The following MIPEP variants were observed in gnomAD, a reference collection of about 807,000 sequenced individuals.
MIPEP encodes mitochondrial intermediate peptidase.
A neutral mutation model predicts 90.3 loss-of-function variants in MIPEP; 79 were observed. The ratio of observed to expected loss-of-function variants is 0.87; its 90% CI spans 0.73 to 1.05. The LOEUF (loss-of-function observed/expected upper bound fraction) is 1.05. Among genes scored for constraint, MIPEP ranks in the 50% least tolerant of loss-of-function variants. The probability of loss-of-function intolerance (pLI) is 0.00; values close to 1 mark genes in which losing one functional copy is unlikely to be tolerated. For synonymous variants in MIPEP, 334 were observed against 315.8 expected (o/e 1.06, Z -0.61); for missense variants, 940 against 905.6 (o/e 1.04, Z -0.49).
chr13:23,754,137 C>T (rs930262270), intron 18 of MIPEP, among the ~76,000 whole-genome samples: 2 of 152,160 alleles, frequency 1.3e-5, no homozygotes, highest in Admixed American at 1.3e-4. Context: ...TATGCTTTTA[C>T]ATTACAAATC....
At chr13:23,888,750 G>A in intron 1 of MIPEP, 4 of 1,027,678 alleles carry the variant, frequency 3.9e-6, no homozygotes, top group Non-Finnish European at 4.7e-6. Context: ...CACAGGGATA[G>A]GCCTCTTAAG....
At chr13:23,731,445 T>C (rs1952203486) in intron 18 of MIPEP, among the ~76,000 whole-genome samples, 1 of 152,164 alleles carries the variant, frequency 6.6e-6, no homozygotes, top group African/African-American at 2.4e-5. Context: ...TGCATATCCA[T>C]ACGGCAGAAA....
chr13:23,847,427 G>A (rs1049546697), intron 10 of MIPEP, among the ~76,000 whole-genome samples: 3 of 139,346 alleles, frequency 2.2e-5, no homozygotes, highest in Non-Finnish European at 4.6e-5. Flanking sequence ...GGTAAGCGCC[G>A]TCAAAAACTG....
At chr13:23,771,200 C>A (rs1449793770) in intron 16 of MIPEP, among the ~76,000 whole-genome samples, 2 of 152,166 alleles carry the variant, frequency 1.3e-5, no homozygotes, top group Non-Finnish European at 2.9e-5. Flanking sequence ...CCTCCTAGGG[C>A]TATGGCATGG....
chr13:23,889,254 C>A lies in MIPEP; in HGVS notation c.67G>T (p.Gly23Cys). 1 of 1,391,818 alleles carries A rather than the reference C, an allele frequency of 7.2e-7. No individual in the cohort carries two copies. The allele number at this position is 1,391,818 out of a possible 1,614,324, so 86.2% of individuals were successfully genotyped here. ...ATCCCGGCTTCGAGGCTTCCCCGGCCCGCCCGGCGGGGCGGCAGAGCTGCT... is the reference window on the plus strand; with the variant it reads ...ATCCCGGCTTCGAGGCTTCCCCGGCACGCCCGGCGGGGCGGCAGAGCTGCT... ...RAAALPPRRAGRGSLEAGIRA... is the reference protein window; with the variant it reads ...RAAALPPRRACRGSLEAGIRA... Residue 23 changes from glycine to cysteine, a missense_variant, in exon 1 of 19, where the codon GGC becomes TGC. Physicochemically the swap from Gly to Cys is radical, Grantham distance 159. Coordinates refer to ENST00000382172, the MANE Select transcript of MIPEP (RefSeq NM_005932.4).
chr13:23,816,367 C>T (rs796404068), intron 14 of MIPEP, among the ~76,000 whole-genome samples: 9 of 152,152 alleles, frequency 5.9e-5, no homozygotes, highest in African/African-American at 2.2e-4. Context: ...ACTCCTTTCC[C>T]CACTCTGTAT....
At chr13:23,831,380 T>TGGCGGGG (rs1175155021) in intron 14 of MIPEP, among the ~76,000 whole-genome samples, 2 of 15,634 alleles carry the variant, frequency 1.3e-4, no homozygotes, top group Non-Finnish European at 1.3e-3. Flanking sequence ...AGCTTCCCCA[T>TGGCGGGG]GGCGGGGGGG....
intron 16 of MIPEP, among the ~76,000 whole-genome samples, chr13:23,788,592 A>AG (rs1231844524): frequency 1.3e-5 from 2 of 152,198 alleles, no homozygotes; most frequent in African/African-American, 4.8e-5. Context: ...AATAACTGCA[A>AG]GGGGCATGAA....
chr13:23,872,604 T>A (rs1276224482), intron 5 of MIPEP, among the ~76,000 whole-genome samples: 4 of 152,236 alleles, frequency 2.6e-5, no homozygotes, highest in Non-Finnish European at 5.9e-5. Context: ...CCTGTCCTAG[T>A]GGAGCACCTC....
chr13:23,878,724 T>C (rs1390292309), intron 4 of MIPEP, among the ~76,000 whole-genome samples: 2 of 152,218 alleles, frequency 1.3e-5, no homozygotes, highest in Non-Finnish European at 2.9e-5. Context: ...TTGATGCAGA[T>C]TTATAAATGT....
intron 18 of MIPEP, among the ~76,000 whole-genome samples, chr13:23,750,716 C>T (rs998798832): frequency 6.6e-6 from 1 of 152,164 alleles, no homozygotes; most frequent in Non-Finnish European, 1.5e-5. Context: ...GGAGTATGTA[C>T]ATAAATTACT....
intron 16 of MIPEP, among the ~76,000 whole-genome samples, chr13:23,783,439 T>G (rs563283552): frequency 6.6e-6 from 1 of 152,304 alleles, no homozygotes; most frequent in East Asian, 1.9e-4. Context: ...TAGGTATTGA[T>G]GGGACATATC....
intron 16 of MIPEP, among the ~76,000 whole-genome samples, chr13:23,786,904 CT>C (rs1952848040): frequency 6.6e-6 from 1 of 152,116 alleles, no homozygotes; most frequent in African/African-American, 2.4e-5. Context: ...TGCAGACCTT[CT>C]ATAATAACGA....
At chr13:23,881,890 C>T in intron 2 of MIPEP, 103 bp from the exon 3 acceptor site, 3 of 848,252 alleles carry the variant, frequency 3.5e-6, no homozygotes, top group Non-Finnish European at 5.8e-6. Flanking sequence ...GTGCCATTGG[C>T]TTGCCCTATG....
chr13:23,879,837 A>T (rs1444192298), intron 3 of MIPEP, among the ~76,000 whole-genome samples: 1 of 152,228 alleles, frequency 6.6e-6, no homozygotes. Context: ...CGTGAGGATT[A>T]AATGAGATCA....
At chr13:23,766,498 C>T (rs1020463638) in intron 16 of MIPEP, among the ~76,000 whole-genome samples, 2 of 152,206 alleles carry the variant, frequency 1.3e-5, no homozygotes, top group Admixed American at 1.3e-4. Context: ...AAAGATACTC[C>T]AGAAGTGTTT....
rs1870668302 is a variant in MIPEP, at chr13:23,869,185, C to A, written c.943+107G>T. On this transcript the variant is annotated intron_variant, in intron 7 of 18. Transcript: ENST00000382172. ...ACATAGAAAATCTCAATAAATGGTT[C>A]TCTACATGTATTAAAAATAGAACAC... The A allele has an allele frequency of 5.1e-6, 5 of 976,576 alleles. No homozygotes were observed. In the Middle Eastern group the frequency reaches 6.9e-4, roughly 135 times the overall value. The allele number at this position is 976,576 out of a possible 1,614,324, so 60.5% of individuals were successfully genotyped here.
At chr13:23,783,772 T>C (rs1952807522) in intron 16 of MIPEP, among the ~76,000 whole-genome samples, 1 of 152,156 alleles carries the variant, frequency 6.6e-6, no homozygotes, top group Non-Finnish European at 1.5e-5. Context: ...ACAAAATCAA[T>C]GTGCAAAAAT....
intron 10 of MIPEP, 91 bp from the exon 11 acceptor site, chr13:23,841,579 C>A (rs1186477361): frequency 2.3e-6 from 3 of 1,326,142 alleles, no homozygotes; most frequent in South Asian, 1.5e-5. Flanking sequence ...TACTTAAGAT[C>A]ACTGGAGCTA....
Sources: allele counts gnomAD v4.1 joint callset (sites outside exome capture counted in the v4.1 genomes callset), GRCh38; gene constraint gnomAD v4.1.1; transcripts MANE v1.5; gene names NCBI Gene and HGNC (gene_info 2026-07-23, HGNC 2026-07-21).